Variants in COL8A1 observed in about 807,000 individuals in gnomAD.
The protein encoded by COL8A1 is collagen alpha-1(VIII) chain.
Under a neutral mutation model 42.7 loss-of-function variants are expected in COL8A1, and 21 were observed. The observed-to-expected ratio is 0.49, with a 90% CI of 0.35 to 0.71. The LOEUF (loss-of-function observed/expected upper bound fraction) is 0.71, where lower values mean the gene tolerates loss of function less well. COL8A1 is among the 30% of genes least tolerant of loss of function. COL8A1 has a pLI of 0.01. For synonymous variants in COL8A1, 367 were observed against 369.1 expected, an observed-to-expected ratio of 0.99 and a Z score of 0.06; for missense variants, 788 against 962.4, an observed-to-expected ratio of 0.82 and a Z score of 2.40.
At chr3:99,693,942 G>A (rs495988) in intron 1 of COL8A1, among the ~76,000 whole-genome samples, 82,747 of 151,908 alleles carry the variant, frequency 0.54, 23,288 homozygotes, top group East Asian at 0.73. Flanking sequence ...TTTTACTGTA[G>A]CTTTTCTATG....
At chr3:99,726,413 T>A (rs986603281) in intron 1 of COL8A1, among the ~76,000 whole-genome samples, 1 of 151,570 alleles carries the variant, frequency 6.6e-6, no homozygotes, top group African/African-American at 2.4e-5. Context: ...CTCTTTAGTT[T>A]AATTAGATCC....
Position 99,645,696 on chromosome 3 carries a change from T to A in COL8A1, c.-129+7032T>A, listed in dbSNP as rs72932323. On this transcript the variant is annotated intron_variant, in intron 1 of 3. Coordinates refer to ENST00000652472, the MANE Select transcript of COL8A1 (RefSeq NM_020351.4). ...TAGATCACATTGTTAGTTTTCTTTT[T>A]AAAAAAAAAAAAAAAATCCTAATTT... 9.6e-3 allele frequency among the ~76,000 whole-genome samples: 1,360 copies of A among 141,924 alleles called. 12 individuals are homozygous for A. Among genetic ancestry groups the A allele is most frequent in the African/African-American group, 0.03 (1,160 of 38,524 alleles). The allele number at this position is 141,924 out of a possible 152,430, so 93.1% of individuals were successfully genotyped here.
chr3:99,757,736 A>G (rs1388449325), intron 2 of COL8A1, among the ~76,000 whole-genome samples: 1 of 152,194 alleles, frequency 6.6e-6, no homozygotes, highest in Non-Finnish European at 1.5e-5. Context: ...TGAGAAATGA[A>G]GAAGGAATTG....
chr3:99,759,132 T>C, intron 2 of COL8A1, among the ~76,000 whole-genome samples: 1 of 150,750 alleles, frequency 6.6e-6, no homozygotes, highest in African/African-American at 2.4e-5. Flanking sequence ...AGCAGTTACC[T>C]CTATCTAAAA....
chr3:99,738,658 G>A (rs1414381559), intron 1 of COL8A1, among the ~76,000 whole-genome samples: 1 of 152,192 alleles, frequency 6.6e-6, no homozygotes, highest in African/African-American at 2.4e-5. Context: ...AAGTCTGCAG[G>A]AGTTACTGCT....
intron 1 of COL8A1, among the ~76,000 whole-genome samples, chr3:99,738,455 C>A (rs527610562): frequency 6.6e-6 from 1 of 152,194 alleles, no homozygotes; most frequent in African/African-American, 2.4e-5. Flanking sequence ...ACAGGACCCT[C>A]AGCTGCAGGT....
At chr3:99,689,094 G>A (rs987767143) in intron 1 of COL8A1, among the ~76,000 whole-genome samples, 1 of 152,160 alleles carries the variant, frequency 6.6e-6, no homozygotes, top group Admixed American at 6.5e-5. Context: ...CTCTTAGAAA[G>A]CAAAAGATCC....
intron 2 of COL8A1, among the ~76,000 whole-genome samples, chr3:99,775,418 C>A (rs1279124174): frequency 6.6e-6 from 1 of 152,176 alleles, no homozygotes; most frequent in Non-Finnish European, 1.5e-5. Flanking sequence ...GGGGTCCAAG[C>A]CTTGCCAATG....
chr3:99,666,641 T>C (rs1004053702), intron 1 of COL8A1, among the ~76,000 whole-genome samples: 1 of 152,232 alleles, frequency 6.6e-6, no homozygotes, highest in Non-Finnish European at 1.5e-5. Context: ...AGTGGATTAA[T>C]CTAATTTTGT....
chr3:99,650,682 C>T (rs898437996), intron 1 of COL8A1, among the ~76,000 whole-genome samples: 4 of 152,144 alleles, frequency 2.6e-5, no homozygotes, highest in African/African-American at 9.7e-5. Flanking sequence ...GCTCTCCCCA[C>T]CTCGGCCTCC....
intron 2 of COL8A1, among the ~76,000 whole-genome samples, chr3:99,789,165 G>T (rs996979427): frequency 1.3e-5 from 2 of 152,070 alleles, no homozygotes; most frequent in African/African-American, 2.4e-5. Flanking sequence ...CAATCCTTTT[G>T]TAGCCTGTAT....
At chr3:99,770,873 T>C (rs190023607) in intron 2 of COL8A1, among the ~76,000 whole-genome samples, 2 of 152,312 alleles carry the variant, frequency 1.3e-5, no homozygotes, top group Admixed American at 6.5e-5. Flanking sequence ...ATTTCAGCTA[T>C]TGAGAATGCT....
chr3:99,688,258 G>A (rs1397569371), intron 1 of COL8A1, among the ~76,000 whole-genome samples: 1 of 152,116 alleles, frequency 6.6e-6, no homozygotes, highest in Admixed American at 6.5e-5. Flanking sequence ...TACCATTCTG[G>A]AGATCAGAAA....
At chr3:99,783,192 T>C (rs2107449245) in intron 2 of COL8A1, among the ~76,000 whole-genome samples, 1 of 152,338 alleles carries the variant, frequency 6.6e-6, no homozygotes, top group South Asian at 2.1e-4. Context: ...GGGAATGTTG[T>C]AAAATCTCCT....
chr3:99,771,661 C>T (rs1327262024), intron 2 of COL8A1, among the ~76,000 whole-genome samples: 1 of 152,190 alleles, frequency 6.6e-6, no homozygotes, highest in Non-Finnish European at 1.5e-5. Context: ...TTCTGTGCAG[C>T]TAAGAATAAG....
intron 1 of COL8A1, among the ~76,000 whole-genome samples, chr3:99,662,875 C>T (rs1347237421): frequency 1.3e-5 from 2 of 152,116 alleles, no homozygotes; most frequent in African/African-American, 4.8e-5. Flanking sequence ...CAAATTTCCC[C>T]TTTTTATAAG....
chr3:99,795,398 C>A lies in COL8A1; in HGVS notation c.1497C>A (p.Ile499=), dbSNP rs754295449. 5 of 1,555,268 alleles carry A rather than the reference C, an allele frequency of 3.2e-6. No individual in the cohort carries two copies. In the South Asian group the frequency reaches 5.9e-5, roughly 18 times the overall value. Reference sequence around the variant, plus strand: ...AGGGTTTACAGGGCCCCCCAGGTATCCCAGGGATTGGGGGCCCTAGTGGCC... The same window carrying A: ...AGGGTTTACAGGGCCCCCCAGGTATACCAGGGATTGGGGGCCCTAGTGGCC... ...GDQGLQGPPG[I]PGIGGPSGPI... is the part of the protein sequence containing the mutation. The change falls in exon 4 of 4, where the codon ATC becomes ATA. Residue 499 remains isoleucine (I), a synonymous_variant. Transcript: ENST00000652472.
At chr3:99,740,454 T>C (rs1368170304) in intron 1 of COL8A1, among the ~76,000 whole-genome samples, 1 of 152,212 alleles carries the variant, frequency 6.6e-6, no homozygotes. Flanking sequence ...TCATAAAACT[T>C]ACCATCATGG....
intron 1 of COL8A1, among the ~76,000 whole-genome samples, chr3:99,710,385 A>T (rs2107356663): frequency 6.6e-6 from 1 of 152,262 alleles, no homozygotes; most frequent in East Asian, 1.9e-4. Flanking sequence ...CCCTCCAAGC[A>T]CCAATAGGAG....
Sources: allele counts gnomAD v4.1 joint callset (sites outside exome capture counted in the v4.1 genomes callset), GRCh38; gene constraint gnomAD v4.1.1; transcripts MANE v1.5; gene names NCBI Gene and HGNC (gene_info 2026-07-23, HGNC 2026-07-21).